Variants in VPS35L observed in about 807,000 individuals in gnomAD.
VPS35L encodes VPS35 endosomal protein sorting factor like, also known as VPS35 endosomal protein-sorting factor-like.
In VPS35L, 83 loss-of-function variants were observed where a neutral mutation model predicts 133.0. That is an observed-to-expected ratio of 0.62 (90% CI 0.52 to 0.75). VPS35L has a LOEUF of 0.75. VPS35L is among the 30% of genes least tolerant of loss of function. The pLI, the probability that VPS35L is intolerant of heterozygous loss-of-function variation, is 0.00. For synonymous variants in VPS35L, 423 were observed against 449.9 expected, an observed-to-expected ratio of 0.94 and a Z score of 0.76; for missense variants, 1,083 against 1,206.8, an observed-to-expected ratio of 0.90 and a Z score of 1.52.
chr16:19,588,743 A>G (rs1971951446), intron 7 of VPS35L, among the ~76,000 whole-genome samples: 1 of 151,964 alleles, frequency 6.6e-6, no homozygotes, highest in African/African-American at 2.4e-5. Flanking sequence ...TGTCACTGTG[A>G]GCACGTTTGG....
intron 16 of VPS35L, 121 bp from the exon 17 acceptor site, chr16:19,628,516 T>C: frequency 1.9e-6 from 1 of 539,898 alleles, no homozygotes; most frequent in Non-Finnish European, 3.3e-6. Context: ...AGAAGGAGGT[T>C]GTTGGAAGAT....
At chr16:19,691,255 A>G in intron 28 of VPS35L, 98 bp from the exon 29 acceptor site, 2 of 938,170 alleles carry the variant, frequency 2.1e-6, no homozygotes, top group South Asian at 2.8e-5. Flanking sequence ...ACTTCCTGCC[A>G]TCTGCTGACT....
intron 1 of VPS35L, among the ~76,000 whole-genome samples, chr16:19,562,070 A>G (rs527506989): frequency 6.6e-6 from 1 of 152,240 alleles, no homozygotes; most frequent in East Asian, 1.9e-4. Flanking sequence ...GCACCACTGC[A>G]CTCCAGTGAG....
chr16:19,562,799 G>A (rs1278118081), intron 1 of VPS35L, among the ~76,000 whole-genome samples: 2 of 151,866 alleles, frequency 1.3e-5, no homozygotes, highest in Non-Finnish European at 2.9e-5. Context: ...CTGTTGCCCA[G>A]GCTGGAGTGC....
intron 14 of VPS35L, among the ~76,000 whole-genome samples, chr16:19,618,366 G>A (rs1167582238): frequency 6.6e-6 from 1 of 152,128 alleles, no homozygotes; most frequent in Non-Finnish European, 1.5e-5. Context: ...ATGCACACAC[G>A]GTTTGTTCAC....
At chr16:19,686,986 G>A (rs902004893) in intron 28 of VPS35L, among the ~76,000 whole-genome samples, 8 of 152,166 alleles carry the variant, frequency 5.3e-5, no homozygotes, top group Non-Finnish European at 1.2e-4. Context: ...GGGCGACAGA[G>A]CAAGACTCCA....
chr16:19,565,671 A>G (rs1412402383), intron 2 of VPS35L, among the ~76,000 whole-genome samples: 1 of 152,102 alleles, frequency 6.6e-6, no homozygotes, highest in Non-Finnish European at 1.5e-5. Context: ...TAAATCAACC[A>G]GTTTGTTCAC....
intron 1 of VPS35L, among the ~76,000 whole-genome samples, chr16:19,558,081 G>A (rs1970918162): frequency 6.6e-6 from 1 of 151,106 alleles, no homozygotes; most frequent in South Asian, 2.1e-4. Flanking sequence ...AAAAAAAAAA[G>A]TTAAAGGGAC....
In VPS35L at chr16:19,699,789, C is replaced by A; in HGVS notation, c.2793+141C>A. 1 of 1,130,268 alleles carries A rather than the reference C, an allele frequency of 8.8e-7. No individual in the cohort carries two copies. Among genetic ancestry groups the A allele is most frequent in the Non-Finnish European group, 1.2e-6 (1 of 806,416 alleles). The allele number at this position is 1,130,268 out of a possible 1,614,324, so 70.0% of individuals were successfully genotyped here. A position where few individuals can be genotyped will look rare whatever the true frequency, so the allele number is the denominator to read the frequency against. On this transcript the variant is annotated intron_variant, in intron 30 of 30. Coordinates refer to ENST00000417362, the MANE Select transcript of VPS35L (RefSeq NM_020314.7). The surrounding 1 kb of genome is among the most constrained non-coding windows in gnomAD (Gnocchi z 4.2). Reference sequence around the variant, plus strand: ...AGCACTTGGTCCATTTCTACTGGATCACTTCCTAGCAGTAAAAAGCAGAGC... The same window carrying A: ...AGCACTTGGTCCATTTCTACTGGATAACTTCCTAGCAGTAAAAAGCAGAGC...
intron 27 of VPS35L, among the ~76,000 whole-genome samples, chr16:19,674,194 T>C (rs1044726612): frequency 1.9e-4 from 25 of 134,428 alleles, no homozygotes; most frequent in Non-Finnish European, 3.4e-4. Flanking sequence ...CTTTTTTTTT[T>C]TTTTTTTTTT....
Position 19,613,439 on chromosome 16 carries a change from G to A in VPS35L, c.1024-2675G>A, listed in dbSNP as rs534622991. On this transcript the variant is annotated intron_variant, in intron 12 of 30. Coordinates refer to ENST00000417362, the MANE Select transcript of VPS35L (RefSeq NM_020314.7). The stretch of plus-strand genomic sequence containing the variant: ...TCTGGAGAGGCCAGGGTTAGTGCAG[G>A]CATGGCTGGATGCAGGCCCTCAAAG... Among the ~76,000 whole-genome samples the A allele has an allele frequency of 1.1e-3, 175 of 152,348 alleles. No homozygotes were observed. The Middle Eastern group carries it at 0.02, about 18-fold the overall frequency.
intron 27 of VPS35L, among the ~76,000 whole-genome samples, chr16:19,679,468 ATTATTTATTTAT>A (rs139152185): frequency 0.011 from 1,406 of 123,138 alleles, 32 homozygotes; most frequent in South Asian, 0.046. Flanking sequence ...GTTAAGAACA[ATTATTTATTTAT>A]TTATTTATTT....
chr16:19,632,892 G>T (rs1390228641), intron 18 of VPS35L, among the ~76,000 whole-genome samples, 200 bp from the exon 19 acceptor site: 1 of 152,248 alleles, frequency 6.6e-6, no homozygotes, highest in African/African-American at 2.4e-5. Flanking sequence ...GTTTAGTCCT[G>T]ACTAGGTGTG....
Position 19,639,506 on chromosome 16 carries a change from A to G in VPS35L, c.1699-509A>G, listed in dbSNP as rs1053853377. Reference sequence around the variant, plus strand: ...CCCTGGAATGCATATAAGTTGTTTTAATAGTAACAGCTTTTTATTTTGTTT... The same window carrying G: ...CCCTGGAATGCATATAAGTTGTTTTGATAGTAACAGCTTTTTATTTTGTTT... On this transcript the variant is annotated intron_variant, in intron 20 of 30. Coordinates refer to ENST00000417362, the MANE Select transcript of VPS35L (RefSeq NM_020314.7). The surrounding 1 kb of genome is among the most constrained non-coding windows in gnomAD (Gnocchi z 4.1). Among the ~76,000 whole-genome samples the G allele has an allele frequency of 2.0e-5, 3 of 152,160 alleles. No homozygotes were observed. Among genetic ancestry groups the G allele is most frequent in the African/African-American group, 7.2e-5 (3 of 41,452 alleles).
chr16:19,667,605 A>G lies in VPS35L; in HGVS notation c.2222-1555A>G, dbSNP rs1974736837. Among the ~76,000 whole-genome samples the G allele has an allele frequency of 2.0e-5, 3 of 151,448 alleles. 1 individual carries two copies. Among genetic ancestry groups the G allele is most frequent in the Non-Finnish European group, 4.4e-5 (3 of 67,920 alleles). On this transcript the variant is annotated intron_variant, in intron 26 of 30. Coordinates refer to ENST00000417362, the MANE Select transcript of VPS35L (RefSeq NM_020314.7). ...AAAAATTAGCCAGGGATGATGGTGC[A>G]CTCCTGTAGTCCCAGTTACTGGGGA...
At chr16:19,573,752 A>G (rs12919821) in intron 4 of VPS35L, among the ~76,000 whole-genome samples, 26,981 of 152,016 alleles carry the variant, frequency 0.18, 2,691 homozygotes, top group African/African-American at 0.26. Context: ...AGTGGAGGTT[A>G]CATTGCGCAG....
Position 19,652,105 on chromosome 16 carries a change from C to T in VPS35L, c.2221+15C>T. The T allele has an allele frequency of 6.6e-7, 1 of 1,522,948 alleles. No individual in the cohort carries two copies. The highest frequency in any genetic ancestry group is 9.0e-7 in the Non-Finnish European group (1 of 1,107,358). The allele number at this position is 1,522,948 out of a possible 1,614,324, so 94.3% of individuals were successfully genotyped here. On this transcript the variant is annotated intron_variant, in intron 26 of 30. Coordinates refer to ENST00000417362, the MANE Select transcript of VPS35L (RefSeq NM_020314.7). ...CCTCTCCCAAGGTAAGTCCATCATT[C>T]TCTCATCTCGGGCACTCCCTTGCTG...
At chr16:19,609,327 GTTAC>G (rs971694363) in intron 11 of VPS35L, among the ~76,000 whole-genome samples, 2 of 152,168 alleles carry the variant, frequency 1.3e-5, no homozygotes, top group Admixed American at 1.3e-4. Flanking sequence ...TCTTGAACAA[GTTAC>G]TTACAGCCTC....
At chr16:19,661,749 CT>C (rs1464938623) in intron 26 of VPS35L, among the ~76,000 whole-genome samples, 1 of 152,172 alleles carries the variant, frequency 6.6e-6, no homozygotes, top group Non-Finnish European at 1.5e-5. Flanking sequence ...CACCCCTCAG[CT>C]TGGTGCTGTG....
Sources: allele counts gnomAD v4.1 joint callset (sites outside exome capture counted in the v4.1 genomes callset), GRCh38; gene constraint gnomAD v4.1.1; non-coding constraint Gnocchi (gnomAD v3.1); transcripts MANE v1.5; gene names NCBI Gene and HGNC (gene_info 2026-07-23, HGNC 2026-07-21).